The following TEX11 variants were observed in gnomAD, a reference collection of about 807,000 sequenced individuals.
TEX11 encodes the protein testis-expressed protein 11.
A neutral mutation model predicts 84.4 loss-of-function variants in TEX11; 7 were observed. The ratio of observed to expected loss-of-function variants is 0.08; its 90% confidence interval spans 0.05 to 0.16. The LOEUF (loss-of-function observed/expected upper bound fraction) is 0.16, where lower values mean the gene tolerates loss of function less well. Among genes scored for constraint, TEX11 ranks in the 10% least tolerant of loss-of-function variants. The pLI is 1.00. For synonymous variants in TEX11, 264 were observed against 222.8 expected (o/e 1.18, Z -1.64); for missense variants, 551 against 660.5 (o/e 0.83, Z 1.82).
chrX:70,793,769 A>G (rs2091138891), intron 9 of TEX11, among the ~76,000 whole-genome samples: 1 of 111,342 alleles, frequency 9.0e-6, no homozygotes, highest in South Asian at 3.8e-4. Context: ...CGATCAGGCA[A>G]GAGAAAGAAA....
At chrX:70,684,404 G>A (rs1394657661) in intron 13 of TEX11, among the ~76,000 whole-genome samples, 2 of 111,888 alleles carry the variant, frequency 1.8e-5, no homozygotes, top group African/African-American at 6.5e-5. Context: ...TGGCCAACAT[G>A]GTGAAACCCT....
chrX:70,590,615 G>T (rs1452901503), intron 25 of TEX11, among the ~76,000 whole-genome samples: 2 of 111,646 alleles, frequency 1.8e-5, no homozygotes, highest in Non-Finnish European at 3.8e-5. Flanking sequence ...AAAACACATT[G>T]TAAAAACTTC....
intron 7 of TEX11, among the ~76,000 whole-genome samples, chrX:70,843,351 A>C (rs1434998134): frequency 8.9e-6 from 1 of 111,872 alleles, no homozygotes; most frequent in Non-Finnish European, 1.9e-5. Flanking sequence ...AAAACAAGCA[A>C]TGGGGAAAGG....
At chrX:70,875,508 G>A (rs959522488) in intron 3 of TEX11, among the ~76,000 whole-genome samples, 2 of 108,610 alleles carry the variant, frequency 1.8e-5, no homozygotes, top group Non-Finnish European at 3.8e-5. Context: ...GGAGGCCGAG[G>A]CAGGTGGATC....
At chrX:70,681,353 A>G (rs2090146141) in intron 14 of TEX11, among the ~76,000 whole-genome samples, 1 of 112,636 alleles carries the variant, frequency 8.9e-6, no homozygotes, top group African/African-American at 3.2e-5. Context: ...TCTAAGTGGA[A>G]TTTTAGGAAA....
Position 70,712,554 on chromosome X carries a change from T to A in TEX11, c.1004+10064A>T, listed in dbSNP as rs775940319. On this transcript the variant is annotated intron_variant, in intron 13 of 29. Coordinates refer to ENST00000374333, the MANE Select transcript of TEX11 (RefSeq NM_031276.3). Reference sequence around the variant, plus strand: ...GGTATTTTATTCTCTTTGAAGCAACTGTGAATGGGAGTTCACTCATGATTT... The same window carrying A: ...GGTATTTTATTCTCTTTGAAGCAACAGTGAATGGGAGTTCACTCATGATTT... 2.7e-5 allele frequency among the ~76,000 whole-genome samples: 3 copies of A among 111,624 alleles called. No homozygotes were observed. The East Asian group carries it at 8.4e-4, about 31-fold the overall frequency.
chrX:70,609,034 ATCTG>A, intron 22 of TEX11, 53 bp downstream of exon 22: 3 of 948,707 alleles, frequency 3.2e-6, no homozygotes, highest in South Asian at 2.4e-5. Flanking sequence ...TTGAAATCAC[ATCTG>A]TCTAATTCCA....
Position 70,682,752 on chromosome X carries a change from G to T in TEX11, c.1078C>A (p.Leu360Met). 1 of 1,209,004 alleles carries T rather than the reference G, an allele frequency of 8.3e-7. No individual in the cohort carries two copies. Among genetic ancestry groups the T allele is most frequent in the South Asian group, 1.8e-5 (1 of 56,661 alleles). ...FKSSENIGKV[L>M]ILHTDMLLQR... ...AAAAGCATGTCAGTATGGAGTATCA[G>T]AACTTTTCCAATATTTTCCGATGAC... The change falls in exon 14 of 30, where the codon CTG becomes ATG. Residue 360 changes from leucine to methionine, a missense_variant. Physicochemically the swap from Leu to Met is conservative, Grantham distance 15 (BLOSUM62 2). Transcript: ENST00000374333.
At chrX:70,764,713 T>C (rs2090929221) in intron 9 of TEX11, among the ~76,000 whole-genome samples, 2 of 111,133 alleles carry the variant, frequency 1.8e-5, no homozygotes, top group Non-Finnish European at 3.8e-5. Context: ...GCCAATTAAT[T>C]GAAAAATTTA....
chrX:70,627,926 T>A (rs939042909), intron 18 of TEX11, among the ~76,000 whole-genome samples: 2 of 111,611 alleles, frequency 1.8e-5, no homozygotes, highest in African/African-American at 6.5e-5. Flanking sequence ...CCCTATAGCA[T>A]CAACATAATA....
At chrX:70,633,561 T>C (rs1020928046) in intron 17 of TEX11, among the ~76,000 whole-genome samples, 3 of 111,785 alleles carry the variant, frequency 2.7e-5, no homozygotes, top group Non-Finnish European at 5.6e-5. Flanking sequence ...AAAAATAAAT[T>C]GCACCCAGAT....
At chrX:70,775,705 CA>C (rs2090996985) in intron 9 of TEX11, among the ~76,000 whole-genome samples, 1 of 103,325 alleles carries the variant, frequency 9.7e-6, no homozygotes. Flanking sequence ...GAGGCTGAGG[CA>C]GGAGAATCGC....
intron 24 of TEX11, among the ~76,000 whole-genome samples, chrX:70,603,874 C>T (rs769569300): frequency 3.0e-5 from 2 of 66,457 alleles, no homozygotes; most frequent in South Asian, 2.1e-3. Context: ...CAAACAACCC[C>T]ATCAAAAAGT....
intron 17 of TEX11, 33 bp downstream of exon 17, chrX:70,651,417 T>C (rs1361273941): frequency 2.0e-6 from 2 of 979,656 alleles, no homozygotes; most frequent in African/African-American, 1.9e-5. Context: ...TTTGTGTTAA[T>C]AGTCAAATAT....
intron 25 of TEX11, among the ~76,000 whole-genome samples, chrX:70,562,606 T>C (rs1373181667): frequency 8.9e-6 from 1 of 112,288 alleles, no homozygotes; most frequent in African/African-American, 3.2e-5. Flanking sequence ...TCATTCGTAA[T>C]AGAGTCAGAT....
the TEX11 span, among the ~76,000 whole-genome samples, chrX:70,522,958 C>T: frequency 2.0e-5 from 2 of 100,826 alleles, no homozygotes; most frequent in Admixed American, 1.1e-4. Context: ...AAGGCCTGGC[C>T]CAAAATGAGC....
rs202223549 is a variant in TEX11, at chrX:70,783,360, CG to C, written c.692+23344del. On this transcript the variant is annotated intron_variant, in intron 9 of 29. Coordinates refer to ENST00000374333, the MANE Select transcript of TEX11 (RefSeq NM_031276.3). ...GTAGAGGGAAATTTATACCACTAAA[CG>C]CCCACAAGAGAAAGCAGGAAAGATC... is the stretch of plus-strand genomic sequence containing the variant. 9.1e-3 allele frequency among the ~76,000 whole-genome samples: 1,016 copies of C among 111,433 alleles called. 6 individuals carry two copies. The highest frequency in any genetic ancestry group is 0.031 in the African/African-American group (960 of 30,679).
intron 28 of TEX11, among the ~76,000 whole-genome samples, chrX:70,541,230 T>C (rs1159529881): frequency 9.0e-6 from 1 of 111,239 alleles, no homozygotes; most frequent in African/African-American, 3.3e-5. Context: ...TGATTCCAAA[T>C]CTCAAAAGCT....
At chrX:70,618,586 G>A (rs970530604) in intron 20 of TEX11, among the ~76,000 whole-genome samples, 27 of 111,717 alleles carry the variant, frequency 2.4e-4, no homozygotes, top group African/African-American at 7.5e-4. Flanking sequence ...GATTCCTCAC[G>A]GGGAAGGCCT....
Sources: gnomAD v4.1 joint callset for allele counts (sites outside exome capture counted in the v4.1 genomes callset) on GRCh38, gnomAD v4.1.1 for gene constraint, MANE v1.5 for transcripts, NCBI Gene and HGNC (gene_info 2026-07-23, HGNC 2026-07-21) for gene names.